The following PCDHA8 variants were observed in gnomAD, a reference collection of about 807,000 sequenced individuals.
PCDHA8 encodes protocadherin alpha 8.
In PCDHA8, 53 loss-of-function variants were observed where a neutral mutation model predicts 61.8. The ratio of observed to expected loss-of-function variants is 0.86; its 90% CI spans 0.69 to 1.08. The LOEUF (loss-of-function observed/expected upper bound fraction) is 1.08. PCDHA8 is among the 50% of genes least tolerant of loss of function. The pLI is 0.00. For missense variants in PCDHA8, 1,293 were observed against 1,245.0 expected, an observed-to-expected ratio of 1.04 and a Z score of -0.58; for synonymous variants, 618 against 556.6, an observed-to-expected ratio of 1.11 and a Z score of -1.55.
chr5:140,870,708 C>T (rs781841032), intron 1 of PCDHA8: 4 of 1,612,898 alleles, frequency 2.5e-6, no homozygotes, highest in Admixed American at 1.7e-5. Context: ...TCCAGGTGAG[C>T]GCGCGCGATG....
At chr5:140,876,155 T>A in intron 1 of PCDHA8, 1 of 1,613,994 alleles carries the variant, frequency 6.2e-7, no homozygotes, top group Non-Finnish European at 8.5e-7. Context: ...TCTGTCCAGA[T>A]TCAAATAACC....
chr5:140,862,586 C>G (rs2047435706), intron 1 of PCDHA8: 3 of 498,034 alleles, frequency 6.0e-6, no homozygotes, highest in Non-Finnish European at 1.2e-5. Flanking sequence ...TTCCAGCAGC[C>G]CGAGTACATG....
intron 1 of PCDHA8, among the ~76,000 whole-genome samples, chr5:140,971,962 T>C (rs1392143830): frequency 6.6e-6 from 1 of 152,150 alleles, no homozygotes; most frequent in Non-Finnish European, 1.5e-5. Context: ...CAAAAACTTT[T>C]TTTCAATACT....
chr5:140,871,358 A>T, intron 1 of PCDHA8: 6 of 1,614,208 alleles, frequency 3.7e-6, no homozygotes, highest in Non-Finnish European at 5.1e-6. Context: ...TACTCGCAGC[A>T]GAGGCGGCAG....
intron 1 of PCDHA8, chr5:140,966,420 G>C (rs2096000872): frequency 2.4e-6 from 1 of 421,302 alleles, no homozygotes; most frequent in South Asian, 1.0e-4. Flanking sequence ...AGCAGGACTT[G>C]CTGAGCCCTC....
At chr5:140,956,174 C>T (rs1353306679) in intron 1 of PCDHA8, among the ~76,000 whole-genome samples, 1 of 152,154 alleles carries the variant, frequency 6.6e-6, no homozygotes. Context: ...GCCAGAACTT[C>T]CAATACTATG....
At position 140,852,209 on chromosome 5, in the gene PCDHA8, A is replaced by AATTTTTATTTT. The variant is rs1554145712; in HGVS notation, c.2394+8495_2394+8496insTTTTTATTTTA. The AATTTTTATTTT allele has an allele frequency of 1.2e-5, 8 of 650,776 alleles. No homozygotes were observed. The East Asian group carries it at 1.1e-3, about 87-fold the overall frequency. 40.3% of individuals were successfully genotyped at this position (650,776 alleles called of 1,614,324 possible). ...AATGCCAGTAACGTTTATTTAAAAC[A>AATTTTTATTTT]AAATATTTTAATTTTTAAATTTTCC... is the stretch of plus-strand genomic sequence containing the variant. On this transcript the variant is annotated intron_variant, in intron 1 of 3. Coordinates refer to ENST00000531613, the MANE Select transcript of PCDHA8 (RefSeq NM_018911.3).
chr5:140,884,409 C>A (rs373513056), intron 1 of PCDHA8: 1 of 1,613,992 alleles, frequency 6.2e-7, no homozygotes, highest in Non-Finnish European at 8.5e-7. Context: ...TTGGTGCTCA[C>A]GTTGCTGCTG....
At chr5:140,873,403 GT>G (rs2054272319) in intron 1 of PCDHA8, among the ~76,000 whole-genome samples, 1 of 152,046 alleles carries the variant, frequency 6.6e-6, no homozygotes, top group South Asian at 2.1e-4. Flanking sequence ...TTCAGTACAG[GT>G]TAAAATTTTG....
intron 1 of PCDHA8, chr5:140,850,214 T>A (rs1554143992): frequency 6.3e-7 from 1 of 1,593,328 alleles, no homozygotes; most frequent in African/African-American, 1.3e-5. Flanking sequence ...TGAGGGGCAC[T>A]GACGGCGCAG....
chr5:140,937,099 G>T (rs890589684), intron 1 of PCDHA8, among the ~76,000 whole-genome samples: 1 of 149,656 alleles, frequency 6.7e-6, no homozygotes, highest in Non-Finnish European at 1.5e-5. Flanking sequence ...GTGCAGTGGC[G>T]CAGTCTCGGC....
chr5:140,926,570 G>A (rs2083360845), intron 1 of PCDHA8: 1 of 267,246 alleles, frequency 3.7e-6, no homozygotes, highest in African/African-American at 2.2e-5. Flanking sequence ...TGCTACTGGA[G>A]ACAGCACCTC....
At chr5:140,937,911 CAAA>C (rs200797202) in intron 1 of PCDHA8, among the ~76,000 whole-genome samples, 2 of 117,898 alleles carry the variant, frequency 1.7e-5, no homozygotes, top group Non-Finnish European at 1.9e-5. Context: ...GACTCCGTCT[CAAA>C]AAAAAAAAAA....
chr5:140,870,427 G>A, intron 1 of PCDHA8: 1 of 1,614,220 alleles, frequency 6.2e-7, no homozygotes, highest in Non-Finnish European at 8.5e-7. Flanking sequence ...CAGGGTATCC[G>A]TGGAGGTGGC....
Position 140,842,743 on chromosome 5 carries a change from C to G in PCDHA8, c.1422C>G (p.Ile474Met). ...AGAACAACCCGCCGGGCTGCCACAT[C>G]TTCACGGTGTCTGCGCGAGACGCGG... ...VKENNPPGCH[I>M]FTVSARDADA... The change falls in exon 1 of 4, where the codon ATC becomes ATG. Residue 474 changes from isoleucine (I) to methionine (M), a missense_variant. Coordinates refer to ENST00000531613, the MANE Select transcript of PCDHA8 (RefSeq NM_018911.3). The G allele has an allele frequency of 6.3e-7, 1 of 1,595,140 alleles. No individual in the cohort carries two copies. Among genetic ancestry groups the G allele is most frequent in the Non-Finnish European group, 8.6e-7 (1 of 1,165,484 alleles).
chr5:140,851,865 A>G, intron 1 of PCDHA8: 3 of 976,808 alleles, frequency 3.1e-6, no homozygotes, highest in Non-Finnish European at 3.7e-6. Context: ...CTCATACATA[A>G]CACAAGGCAG....
Position 140,848,739 on chromosome 5 carries a change from G to A in PCDHA8, c.2394+5024G>A. On this transcript the variant is annotated intron_variant, in intron 1 of 3. Coordinates refer to ENST00000531613, the MANE Select transcript of PCDHA8 (RefSeq NM_018911.3). The stretch of plus-strand genomic sequence containing the variant: ...CCTTCTGGAGGTAAATCTGCAGAAT[G>A]GCATTTTGTTTGTGAATTCTCGGAT... The A allele has an allele frequency of 6.9e-6, 11 of 1,593,092 alleles. 1 individual carries two copies. The highest frequency in any genetic ancestry group is 9.5e-6 in the Non-Finnish European group (11 of 1,163,752).
At position 140,950,241 on chromosome 5, in the gene PCDHA8, G is replaced by A. The variant is rs191139851; in HGVS notation, c.2395-28708G>A. 3.8e-4 allele frequency among the ~76,000 whole-genome samples: 58 copies of A among 152,014 alleles called. 1 individual carries two copies. The highest frequency in any genetic ancestry group is 6.8e-3 in the Middle Eastern group (2 of 294). On this transcript the variant is annotated intron_variant, in intron 1 of 3. Coordinates refer to ENST00000531613, the MANE Select transcript of PCDHA8 (RefSeq NM_018911.3). The stretch of plus-strand genomic sequence containing the variant: ...TTACCATTTCTAGTGCCATTAATTT[G>A]TTCCTAAAGAGCTGAGTTTATCCAT...
chr5:140,906,180 C>T (rs1457176453), intron 1 of PCDHA8, among the ~76,000 whole-genome samples: 1 of 152,132 alleles, frequency 6.6e-6, no homozygotes, highest in Non-Finnish European at 1.5e-5. Flanking sequence ...ACTTTGCATC[C>T]TTCAATCCAA....
Sources: gnomAD v4.1 joint callset for allele counts (sites outside exome capture counted in the v4.1 genomes callset) on GRCh38, gnomAD v4.1.1 for gene constraint, MANE v1.5 for transcripts, NCBI Gene and HGNC (gene_info 2026-07-23, HGNC 2026-07-21) for gene names.